The following GARRE1 variants were observed in gnomAD, a reference collection of about 807,000 sequenced individuals.
The protein encoded by GARRE1 is granule associated Rac and RHOG effector protein 1.
GARRE1 carries 49 observed loss-of-function variants against 103.2 expected under a neutral mutation model. That is an observed-to-expected ratio of 0.47 (90% CI 0.38 to 0.60). The LOEUF is 0.60. GARRE1 is among the 20% of genes least tolerant of loss of function. GARRE1 has a pLI of 0.00. For missense variants in GARRE1, 1,199 were observed against 1,370.5 expected (o/e 0.87, Z 1.98); for synonymous variants, 505 against 532.8 (o/e 0.95, Z 0.72).
chr19:34,258,156 C>T lies in GARRE1; in HGVS notation c.-796+3542C>T, dbSNP rs142085902. ...CTGGGATTACAGGCGTGAGACACCACGCTTGGCCTTGATTGGCCTTCTTGA... is the reference window on the plus strand; with the variant it reads ...CTGGGATTACAGGCGTGAGACACCATGCTTGGCCTTGATTGGCCTTCTTGA... On this transcript the variant is annotated intron_variant, in intron 1 of 13. Transcript: ENST00000299505. Among the ~76,000 whole-genome samples, 663 of 152,206 alleles carry T rather than the reference C, an allele frequency of 4.4e-3. 1 individual carries two copies. The highest frequency in any genetic ancestry group is 0.015 in the African/African-American group (631 of 41,540).
At chr19:34,281,754 G>A (rs1162200579) in intron 1 of GARRE1, among the ~76,000 whole-genome samples, 2 of 119,240 alleles carry the variant, frequency 1.7e-5, no homozygotes, top group Non-Finnish European at 3.4e-5. Context: ...ATTCTTCTCT[G>A]TGTGGCTGTG....
chr19:34,301,494 G>A (rs182291186), intron 2 of GARRE1, among the ~76,000 whole-genome samples: 231 of 135,046 alleles, frequency 1.7e-3, no homozygotes, highest in African/African-American at 6.1e-3. Flanking sequence ...AGCCTGGACG[G>A]CAGAGTGAGA....
At chr19:34,275,016 G>GA (rs1177014919) in intron 1 of GARRE1, among the ~76,000 whole-genome samples, 1 of 152,124 alleles carries the variant, frequency 6.6e-6, no homozygotes, top group Non-Finnish European at 1.5e-5. Context: ...AGTCTGAACT[G>GA]ACTAAAAACA....
rs760445237 is a variant in GARRE1 at position 34,330,348 on chromosome 19, GT to G, written c.1263+2del. On this transcript the variant is annotated splice_donor_variant, in intron 7 of 13. Transcript: ENST00000299505. LOFTEE classifies it high-confidence loss of function. ...GCTGCTGTTTGGCCAGGCTGGACTG[GT>G]GAGTGAGCGTGGGTGGTGGATGATA... 6.2e-7 allele frequency: 1 copy of G among 1,614,126 alleles called. No homozygotes were observed. The highest frequency in any genetic ancestry group is 1.1e-5 in the South Asian group (1 of 91,074).
At chr19:34,261,923 C>T (rs1027177562) in intron 1 of GARRE1, among the ~76,000 whole-genome samples, 2 of 152,090 alleles carry the variant, frequency 1.3e-5, no homozygotes, top group Non-Finnish European at 2.9e-5. Context: ...CACAACAACC[C>T]TTTGATGTAG....
intron 1 of GARRE1, among the ~76,000 whole-genome samples, chr19:34,290,341 G>A (rs985107465): frequency 1.3e-5 from 2 of 152,012 alleles, no homozygotes; most frequent in African/African-American, 2.4e-5. Context: ...GGGTGACAGA[G>A]CCAGACCCTG....
chr19:34,344,756 C>T lies in GARRE1; in HGVS notation c.2521+2301C>T, dbSNP rs141476940. ...GGCGCGATCCCCACTTACTTGCAAC[C>T]TCTGCCTCCTGGGCTCAAATGATTC... On this transcript the variant is annotated intron_variant, in intron 10 of 13. Transcript: ENST00000299505. Among the ~76,000 whole-genome samples the T allele has an allele frequency of 3.8e-3, 570 of 151,912 alleles. 6 individuals carry two copies. The highest frequency in any genetic ancestry group is 0.013 in the African/African-American group (554 of 41,438).
chr19:34,256,129 G>A (rs1189600430), intron 1 of GARRE1, among the ~76,000 whole-genome samples: 1 of 151,804 alleles, frequency 6.6e-6, no homozygotes, highest in Non-Finnish European at 1.5e-5. Flanking sequence ...GTGAGCCACC[G>A]TGTCCGGCCG....
At chr19:34,322,508 T>TTA (rs1427493009) in intron 3 of GARRE1, among the ~76,000 whole-genome samples, 1 of 152,092 alleles carries the variant, frequency 6.6e-6, no homozygotes, top group Non-Finnish European at 1.5e-5. Context: ...TAATACTTAT[T>TTA]TCTTTCCAGT....
chr19:34,355,257 CTG>C lies in GARRE1; in HGVS notation c.*2305_*2306del, dbSNP rs1386517976. On this transcript the variant is annotated 3_prime_UTR_variant, in exon 14 of 14. Coordinates refer to ENST00000299505, the MANE Select transcript of GARRE1 (RefSeq NM_014686.5). ...CATTTTCTAATTGCATCTCCATGGG[CTG>C]TGAGACTGTGTGAAGCCGTTTGTGT... The C allele has an allele frequency of 6.6e-6, 1 of 152,668 alleles. No homozygotes were observed. Among genetic ancestry groups the C allele is most frequent in the Non-Finnish European group, 1.5e-5 (1 of 68,052 alleles). The allele number at this position is 152,668 out of a possible 1,614,324, so 9.5% of individuals were successfully genotyped here.
chr19:34,304,553 A>G (rs979492171), intron 2 of GARRE1, among the ~76,000 whole-genome samples: 1 of 149,218 alleles, frequency 6.7e-6, no homozygotes, highest in Non-Finnish European at 1.5e-5. Flanking sequence ...TTTTTTTTGT[A>G]TTTTTAGTAG....
chr19:34,341,946 A>C lies in GARRE1; in HGVS notation c.2012A>C (p.His671Pro). The change falls in exon 10 of 14, where the codon CAT becomes CCT. Residue 671 changes from histidine (H) to proline (P), a missense_variant. His to Pro is a moderately conservative substitution (Grantham distance 77, BLOSUM62 -2). Transcript: ENST00000299505. ...SHQGSPLVTRHNSAATAMVTE... is the reference protein window; with the variant it reads ...SHQGSPLVTRPNSAATAMVTE... The stretch of plus-strand genomic sequence containing the variant: ...CAGGGCTCTCCGTTGGTGACAAGGC[A>C]TAATTCTGCTGCCACAGCCATGGTG... 6.2e-7 allele frequency: 1 copy of C among 1,614,188 alleles called. No homozygotes were observed. The highest frequency in any genetic ancestry group is 8.5e-7 in the Non-Finnish European group (1 of 1,180,022).
At chr19:34,338,537 C>G (rs1354730000) in intron 8 of GARRE1, among the ~76,000 whole-genome samples, 1 of 151,864 alleles carries the variant, frequency 6.6e-6, no homozygotes, top group South Asian at 2.1e-4. Context: ...GACTCTGTCT[C>G]GAAAAAAGGT....
chr19:34,267,278 A>G (rs2073758297), intron 1 of GARRE1, among the ~76,000 whole-genome samples: 1 of 152,172 alleles, frequency 6.6e-6, no homozygotes, highest in African/African-American at 2.4e-5. Flanking sequence ...GTCTCACTGC[A>G]GCCTCAATCT....
intron 1 of GARRE1, among the ~76,000 whole-genome samples, chr19:34,294,238 A>G (rs1197470602): frequency 6.6e-6 from 1 of 150,776 alleles, no homozygotes; most frequent in Non-Finnish European, 1.5e-5. Context: ...TGGACAACAT[A>G]GTGAGACCCT....
chr19:34,326,632 T>C (rs1014393920), intron 3 of GARRE1, among the ~76,000 whole-genome samples: 2 of 152,174 alleles, frequency 1.3e-5, no homozygotes, highest in Non-Finnish European at 2.9e-5. Context: ...TTTCCTGTTA[T>C]GTATTCATGT....
intron 1 of GARRE1, among the ~76,000 whole-genome samples, chr19:34,291,068 G>A (rs1007636469): frequency 1.3e-5 from 2 of 151,514 alleles, no homozygotes; most frequent in East Asian, 1.9e-4. Flanking sequence ...CACAATGCCC[G>A]ACTAATTTTT....
At chr19:34,346,925 G>GTT (rs779190100) in intron 10 of GARRE1, among the ~76,000 whole-genome samples, 8 of 151,062 alleles carry the variant, frequency 5.3e-5, no homozygotes, top group Non-Finnish European at 1.0e-4. Context: ...GCCCAGTTTT[G>GTT]TTTTGTTTTG....
intron 10 of GARRE1, among the ~76,000 whole-genome samples, chr19:34,343,085 C>A (rs976388154): frequency 5.3e-5 from 8 of 151,958 alleles, no homozygotes; most frequent in African/African-American, 1.9e-4. Flanking sequence ...CTTTGGAAGA[C>A]CAATAAAATG....
Sources: gnomAD v4.1 joint callset for allele counts (sites outside exome capture counted in the v4.1 genomes callset) on GRCh38, gnomAD v4.1.1 for gene constraint, MANE v1.5 for transcripts, NCBI Gene and HGNC (gene_info 2026-07-23, HGNC 2026-07-21) for gene names.